The following NCF2 variants were observed in gnomAD, a reference collection of about 807,000 sequenced individuals.
NCF2 encodes neutrophil cytosol factor 2.
Under a neutral mutation model 70.9 loss-of-function variants are expected in NCF2, and 45 were observed. The observed-to-expected ratio is 0.63, with a 90% CI of 0.50 to 0.81. The LOEUF is 0.81. Ranked by LOEUF, NCF2 falls within the 40% of genes least tolerant of loss-of-function variation. The pLI is 0.00. For synonymous variants in NCF2, 203 were observed against 233.6 expected (o/e 0.87, Z 1.19); for missense variants, 522 against 631.6 (o/e 0.83, Z 1.86).
chr1:183,577,672 A>G lies in NCF2; in HGVS notation c.293T>C (p.Leu98Ser), dbSNP rs754041676. 16 of 1,613,974 alleles carry G rather than the reference A, an allele frequency of 9.9e-6. No individual in the cohort carries two copies. The highest frequency in any genetic ancestry group is 1.4e-5 in the Non-Finnish European group (16 of 1,179,928). Residue 98 changes from leucine (L) to serine (S), a missense_variant, in exon 3 of 15, where the codon TTG becomes TCG. Coordinates refer to ENST00000367535, the MANE Select transcript of NCF2 (RefSeq NM_000433.4). ...DLAIKDLKEALIQLRGNQLID... is the reference protein window; with the variant it reads ...DLAIKDLKEASIQLRGNQLID... The stretch of plus-strand genomic sequence containing the variant: ...CAGCTGGTTCCCTCGAAGCTGAATC[A>G]AGGCTTCTTTAAGGTCTTTGATAGC...
At chr1:183,565,651 A>T (rs1473909833) in intron 10 of NCF2, 53 bp downstream of exon 10, 1 of 1,556,196 alleles carries the variant, frequency 6.4e-7, no homozygotes, top group Non-Finnish European at 8.9e-7. Flanking sequence ...CTCAGGAAGC[A>T]GCCTGGCATG....
At chr1:183,585,286 C>A (rs560948583) in intron 2 of NCF2, among the ~76,000 whole-genome samples, 3 of 152,216 alleles carry the variant, frequency 2.0e-5, no homozygotes, top group African/African-American at 7.2e-5. Flanking sequence ...CCCGGCCTCA[C>A]CCTCACCCCA....
intron 2 of NCF2, among the ~76,000 whole-genome samples, chr1:183,581,995 T>C (rs575616716): frequency 1.3e-5 from 2 of 152,344 alleles, no homozygotes; most frequent in Non-Finnish European, 2.9e-5. Context: ...AACATGTCTC[T>C]GAAAGCACCG....
At chr1:183,561,114 A>C (rs1672026832) in intron 13 of NCF2, among the ~76,000 whole-genome samples, 1 of 152,248 alleles carries the variant, frequency 6.6e-6, no homozygotes, top group Non-Finnish European at 1.5e-5. Flanking sequence ...CATTTCTTAT[A>C]CATCTTAGAC....
chr1:183,560,154 A>G lies in NCF2; in HGVS notation c.1410T>C (p.Ala470=), dbSNP rs750384875. ...SQVEALFSYE[A]TQPEDLEFQE... Reference sequence around the variant, plus strand: ...GAAACTCCAGGTCCTCTGGTTGGGTAGCCTCATAACTGAAGAGTGCCTCCA... The same window carrying G: ...GAAACTCCAGGTCCTCTGGTTGGGTGGCCTCATAACTGAAGAGTGCCTCCA... The change falls in exon 14 of 15, where the codon GCT becomes GCC. Residue 470 remains alanine, a synonymous_variant. Transcript: ENST00000367535. The G allele has an allele frequency of 4.5e-5, 73 of 1,614,072 alleles. No individual in the cohort carries two copies. Among genetic ancestry groups the G allele is most frequent in the Middle Eastern group, 1.6e-4 (1 of 6,084 alleles).
chr1:183,580,423 G>A lies in NCF2; in HGVS notation c.258-2716C>T, dbSNP rs184410994. Among the ~76,000 whole-genome samples, 371 of 152,278 alleles carry A rather than the reference G, an allele frequency of 2.4e-3. 3 individuals are homozygous for A. Among genetic ancestry groups the A allele is most frequent in the African/African-American group, 8.6e-3 (356 of 41,562 alleles). ...CAATTCACTGAGCCTCTTCCATCGCGAAGAGGACAGGCAGAAGCAGAGGTT... is the reference window on the plus strand; with the variant it reads ...CAATTCACTGAGCCTCTTCCATCGCAAAGAGGACAGGCAGAAGCAGAGGTT... On this transcript the variant is annotated intron_variant, in intron 2 of 14. Coordinates refer to ENST00000367535, the MANE Select transcript of NCF2 (RefSeq NM_000433.4).
Position 183,590,436 on chromosome 1 carries a change from C to T in NCF2, c.-107G>A. 1 of 1,240,548 alleles carries T rather than the reference C, an allele frequency of 8.1e-7. No homozygotes were observed. The allele number at this position is 1,240,548 out of a possible 1,614,324, so 76.8% of individuals were successfully genotyped here. ...GCCTTAGTGGCCCCCAAGGTGTTCA[C>T]TTTCTGGGCCAGATGAGTAGAATGG... is the stretch of plus-strand genomic sequence containing the variant. On this transcript the variant is annotated 5_prime_UTR_variant, in exon 1 of 15. The change creates a new upstream start codon in the 5' untranslated region. Coordinates refer to ENST00000367535, the MANE Select transcript of NCF2 (RefSeq NM_000433.4).
At chr1:183,575,488 A>C (rs1672760627) in intron 3 of NCF2, among the ~76,000 whole-genome samples, 1 of 152,148 alleles carries the variant, frequency 6.6e-6, no homozygotes, top group Non-Finnish European at 1.5e-5. Context: ...CCAGGTCTTG[A>C]GTTGGGCTGT....
At chr1:183,566,025 T>G (rs895447942) in intron 9 of NCF2, among the ~76,000 whole-genome samples, 13 of 152,226 alleles carry the variant, frequency 8.5e-5, no homozygotes, top group Non-Finnish European at 5.9e-5. Flanking sequence ...TAAAACGCCC[T>G]TGCCGCTTTA....
intron 13 of NCF2, among the ~76,000 whole-genome samples, chr1:183,561,019 G>C (rs1317513364): frequency 6.6e-6 from 1 of 152,200 alleles, no homozygotes. Flanking sequence ...CCTGCAATCT[G>C]TATTTTAAGT....
In NCF2 at chr1:183,562,044, C is replaced by T. The variant is rs182237269; in HGVS notation, c.1290+1151G>A. Among the ~76,000 whole-genome samples the T allele has an allele frequency of 1.2e-4, 18 of 152,090 alleles. No homozygotes were observed. In the East Asian group the frequency reaches 1.5e-3, roughly 13 times the overall value. ...TTGGAATTACAGGCATGAGCCACTG[C>T]GCCTGGTTTTCTTTCTCCTAGTAAG... On this transcript the variant is annotated intron_variant, in intron 13 of 14. Coordinates refer to ENST00000367535, the MANE Select transcript of NCF2 (RefSeq NM_000433.4).
At position 183,565,685 on chromosome 1, in the gene NCF2, T is replaced by G; in HGVS notation, c.1000+19A>C. On this transcript the variant is annotated intron_variant, in intron 10 of 14. Transcript: ENST00000367535. Reference sequence around the variant, plus strand: ...TGCTGCTGCACCCAGACCTAGGCTGTGGCTCCAGGACCACTCACCTGGTGA... The same window carrying G: ...TGCTGCTGCACCCAGACCTAGGCTGGGGCTCCAGGACCACTCACCTGGTGA... 2.5e-6 allele frequency: 4 copies of G among 1,611,102 alleles called. No individual in the cohort carries two copies. The South Asian group carries it at 4.4e-5, about 18-fold the overall frequency.
Position 183,555,989 on chromosome 1 carries a change from TA to T in NCF2, c.*128del. The T allele has an allele frequency of 1.2e-6, 1 of 822,734 alleles. No homozygotes were observed. Among genetic ancestry groups the T allele is most frequent in the Non-Finnish European group, 2.1e-6 (1 of 487,372 alleles). 51.0% of individuals were successfully genotyped at this position (822,734 alleles called of 1,614,324 possible). A position where few individuals can be genotyped will look rare whatever the true frequency, so the allele number is the denominator to read the frequency against. On this transcript the variant is annotated 3_prime_UTR_variant, in exon 15 of 15. Transcript: ENST00000367535. ...CATCATTGTCTAGTAGGTTAAATTT[TA>T]ACAGGGAATAAATAGTTAACACTTC...
chr1:183,581,957 T>A (rs35085013), intron 2 of NCF2, among the ~76,000 whole-genome samples: 3 of 152,190 alleles, frequency 2.0e-5, no homozygotes, highest in Admixed American at 6.5e-5. Context: ...GTGAGCCACC[T>A]CGCCTCGCCA....
chr1:183,584,931 T>C (rs1673275493), intron 2 of NCF2, among the ~76,000 whole-genome samples: 1 of 152,128 alleles, frequency 6.6e-6, no homozygotes, highest in African/African-American at 2.4e-5. Flanking sequence ...TCACAATAAA[T>C]ATGTCACACT....
rs867592982 is a variant in NCF2 at position 183,559,979 on chromosome 1, G to C, written c.1468+117C>G. 2.6e-6 allele frequency: 3 copies of C among 1,167,490 alleles called. No individual in the cohort carries two copies. In the South Asian group the frequency reaches 4.0e-5, roughly 16 times the overall value. 72.3% of individuals were successfully genotyped at this position (1,167,490 alleles called of 1,614,324 possible). A position where few individuals can be genotyped will look rare whatever the true frequency, so the allele number is the denominator to read the frequency against. ...CCTCCAGCTAGATGCTAGGAAGGGG[G>C]TTGAAAACACTGGCTAAAGTTTTGT... On this transcript the variant is annotated intron_variant, in intron 14 of 14. Coordinates refer to ENST00000367535, the MANE Select transcript of NCF2 (RefSeq NM_000433.4).
At chr1:183,589,451 T>C (rs1673536273) in intron 1 of NCF2, among the ~76,000 whole-genome samples, 1 of 152,204 alleles carries the variant, frequency 6.6e-6, no homozygotes, top group Admixed American at 6.5e-5. Flanking sequence ...CTAGATCTTC[T>C]CCTTCCAAAC....
chr1:183,578,509 C>T (rs1031410324), intron 2 of NCF2, among the ~76,000 whole-genome samples: 5 of 152,036 alleles, frequency 3.3e-5, no homozygotes, highest in East Asian at 1.9e-4. Context: ...GGACTACGGG[C>T]GAGCGCCACC....
At chr1:183,565,620 C>A in intron 10 of NCF2, 84 bp downstream of exon 10, 1 of 1,375,356 alleles carries the variant, frequency 7.3e-7, no homozygotes, top group Non-Finnish European at 1.0e-6. Flanking sequence ...ACCAGAATTT[C>A]CTGGAAGGCA....
Sources: gnomAD v4.1 joint callset for allele counts (sites outside exome capture counted in the v4.1 genomes callset) on GRCh38, gnomAD v4.1.1 for gene constraint, MANE v1.5 for transcripts, NCBI Gene and HGNC (gene_info 2026-07-23, HGNC 2026-07-21) for gene names.